Variants in CLSTN2 observed in about 807,000 individuals in gnomAD.
The protein encoded by CLSTN2 is calsyntenin 2.
In CLSTN2, 48 loss-of-function variants were observed where a neutral mutation model predicts 101.2. The observed-to-expected ratio is 0.47, with a 90% CI of 0.38 to 0.60. CLSTN2 has a LOEUF of 0.60. CLSTN2 is among the 20% of genes least tolerant of loss of function. The pLI, the probability that CLSTN2 is intolerant of heterozygous loss-of-function variation, is 0.00. For missense variants in CLSTN2, 1,160 were observed against 1,238.2 expected, an observed-to-expected ratio of 0.94 and a Z score of 0.95; for synonymous variants, 481 against 463.6, an observed-to-expected ratio of 1.04 and a Z score of -0.48.
At chr3:140,142,184 C>T (rs1230034698) in intron 1 of CLSTN2, among the ~76,000 whole-genome samples, 2 of 152,120 alleles carry the variant, frequency 1.3e-5, no homozygotes, top group Non-Finnish European at 2.9e-5. Flanking sequence ...TGTGTGTTTG[C>T]GAAGTCCCAA....
intron 1 of CLSTN2, among the ~76,000 whole-genome samples, chr3:140,053,085 G>C (rs1218717320): frequency 6.6e-6 from 1 of 152,106 alleles, no homozygotes; most frequent in Admixed American, 6.5e-5. Context: ...ATCCCTTTGG[G>C]CTCCCTGTCA....
chr3:140,354,507 G>C (rs1270654447), intron 2 of CLSTN2, among the ~76,000 whole-genome samples: 3 of 152,008 alleles, frequency 2.0e-5, no homozygotes, highest in Non-Finnish European at 1.5e-5. Flanking sequence ...ATTTCCTAGA[G>C]CTCTGAGTGG....
intron 1 of CLSTN2, among the ~76,000 whole-genome samples, chr3:140,025,224 C>T (rs913375652): frequency 1.3e-5 from 2 of 152,186 alleles, no homozygotes; most frequent in Admixed American, 6.5e-5. Flanking sequence ...CAGAAATGTG[C>T]TCAGAAAAAT....
chr3:140,190,438 CAAA>C (rs35206840), intron 2 of CLSTN2, among the ~76,000 whole-genome samples: 890 of 82,934 alleles, frequency 0.011, 5 homozygotes, highest in African/African-American at 0.031. Context: ...TCTATAGCTA[CAAA>C]AAAAAAAAAA....
intron 5 of CLSTN2, among the ~76,000 whole-genome samples, chr3:140,425,804 A>G (rs754687025): frequency 6.6e-5 from 10 of 152,176 alleles, no homozygotes; most frequent in Non-Finnish European, 1.2e-4. Flanking sequence ...TTAACTCTGA[A>G]TAGGTGATAA....
rs199881436 is a variant in CLSTN2 at position 140,010,685 on chromosome 3, T to G, written c.109+75202T>G. ...AGACCAGAAGGAAAGAGAGGAAGAC[T>G]AAATTGATTACTCCCACCATCCACT... On this transcript the variant is annotated intron_variant, in intron 1 of 16. Transcript: ENST00000458420. 1.2e-4 allele frequency among the ~76,000 whole-genome samples: 18 copies of G among 152,298 alleles called. No homozygotes were observed. The East Asian group carries it at 3.5e-3, about 29-fold the overall frequency.
intron 1 of CLSTN2, among the ~76,000 whole-genome samples, chr3:140,109,608 A>G (rs1023554206): frequency 3.9e-5 from 6 of 152,182 alleles, no homozygotes; most frequent in African/African-American, 1.4e-4. Context: ...AGTCCCCATA[A>G]TGTCTGTGCT....
At chr3:140,028,793 A>G (rs947283188) in intron 1 of CLSTN2, among the ~76,000 whole-genome samples, 11 of 152,096 alleles carry the variant, frequency 7.2e-5, no homozygotes, top group African/African-American at 2.7e-4. Flanking sequence ...ATAAGCAAGG[A>G]TTGGTATTCT....
chr3:140,193,507 C>T (rs2010602181), intron 2 of CLSTN2, among the ~76,000 whole-genome samples: 1 of 151,110 alleles, frequency 6.6e-6, no homozygotes, highest in South Asian at 2.1e-4. Context: ...AAATCCATTG[C>T]CATTCTGTTT....
At chr3:140,379,746 C>T (rs1218349678) in intron 2 of CLSTN2, among the ~76,000 whole-genome samples, 2 of 151,970 alleles carry the variant, frequency 1.3e-5, no homozygotes, top group Non-Finnish European at 2.9e-5. Context: ...ATTATGTAGC[C>T]ACCAAAATAA....
At chr3:139,940,122 C>T (rs1482750143) in intron 1 of CLSTN2, among the ~76,000 whole-genome samples, 1 of 152,216 alleles carries the variant, frequency 6.6e-6, no homozygotes, top group South Asian at 2.1e-4. Context: ...GTGCTAGAGG[C>T]TCATTCTGAC....
intron 5 of CLSTN2, among the ~76,000 whole-genome samples, chr3:140,437,957 T>C (rs1477397628): frequency 1.3e-5 from 2 of 152,144 alleles, no homozygotes; most frequent in Non-Finnish European, 2.9e-5. Context: ...CCCCACATCA[T>C]AAAACTTCAC....
chr3:140,531,120 G>A lies in CLSTN2; in HGVS notation c.1345-1204G>A, dbSNP rs1390545869. 2.6e-5 allele frequency among the ~76,000 whole-genome samples: 4 copies of A among 152,112 alleles called. No homozygotes were observed. The South Asian group carries it at 8.3e-4, about 32-fold the overall frequency. ...AGCCCTGCACCCAGCCCAGGGTTTG[G>A]TCCAGGGCACCGAGCATGAGGGGAG... is the stretch of plus-strand genomic sequence containing the variant. On this transcript the variant is annotated intron_variant, in intron 8 of 16. Coordinates refer to ENST00000458420, the MANE Select transcript of CLSTN2 (RefSeq NM_022131.3).
chr3:139,974,663 A>C (rs1415393630), intron 1 of CLSTN2, among the ~76,000 whole-genome samples: 1 of 152,250 alleles, frequency 6.6e-6, no homozygotes, highest in African/African-American at 2.4e-5. Context: ...AGTCCAAGTA[A>C]ATCCCTGTTA....
chr3:140,563,911 T>G, intron 15 of CLSTN2, 50 bp from the exon 16 acceptor site: 986 of 1,561,760 alleles, frequency 6.3e-4, no homozygotes, highest in Non-Finnish European at 7.9e-4. Context: ...CTCACAAGAA[T>G]GAGCTAGGCC....
At chr3:140,027,738 C>A (rs1047106625) in intron 1 of CLSTN2, among the ~76,000 whole-genome samples, 7 of 152,086 alleles carry the variant, frequency 4.6e-5, no homozygotes. Context: ...TAAAGGAAGC[C>A]GCCACAGCTG....
At chr3:140,325,911 G>A (rs549836307) in intron 2 of CLSTN2, among the ~76,000 whole-genome samples, 22 of 152,088 alleles carry the variant, frequency 1.4e-4, no homozygotes, top group Non-Finnish European at 2.8e-4. Flanking sequence ...CAAAACTGCT[G>A]GTGAGTCTAC....
chr3:140,142,511 C>T (rs1248301394), intron 1 of CLSTN2, among the ~76,000 whole-genome samples: 1 of 152,168 alleles, frequency 6.6e-6, no homozygotes, highest in African/African-American at 2.4e-5. Flanking sequence ...CAAACCCACA[C>T]CAGGTGCCAG....
At chr3:140,286,981 G>A (rs759123147) in intron 2 of CLSTN2, among the ~76,000 whole-genome samples, 2 of 152,134 alleles carry the variant, frequency 1.3e-5, no homozygotes, top group Admixed American at 6.5e-5. Flanking sequence ...GGGGAAACAG[G>A]TTGGCTCAAT....
Sources: gnomAD v4.1 joint callset for allele counts (sites outside exome capture counted in the v4.1 genomes callset) on GRCh38, gnomAD v4.1.1 for gene constraint, MANE v1.5 for transcripts, NCBI Gene and HGNC (gene_info 2026-07-23, HGNC 2026-07-21) for gene names.